RBFOX1: variants seen among roughly 807,000 people sequenced by gnomAD.
The protein encoded by RBFOX1 is RNA binding fox-1 homolog 1, also known as RNA binding protein fox-1 homolog 1.
Under a neutral mutation model 57.7 loss-of-function variants are expected in RBFOX1, and 8 were observed. That is an observed-to-expected ratio of 0.14 (90% CI 0.08 to 0.25). RBFOX1 has a LOEUF of 0.25. Ranked by LOEUF, RBFOX1 falls within the 10% of genes least tolerant of loss-of-function variation. RBFOX1 has a pLI of 1.00. For missense variants in RBFOX1, 611 were observed against 548.5 expected (o/e 1.11, Z -1.14); for synonymous variants, 326 against 222.4 (o/e 1.47, Z -4.15).
intron 2 of RBFOX1, among the ~76,000 whole-genome samples, chr16:5,517,092 G>T (rs547768983): frequency 1.3e-5 from 2 of 151,904 alleles, no homozygotes; most frequent in South Asian, 4.2e-4. Flanking sequence ...GACCTCCAGT[G>T]GTTGGAGGCC....
chr16:7,320,510 G>C (rs1007997185), intron 4 of RBFOX1, among the ~76,000 whole-genome samples: 1 of 152,138 alleles, frequency 6.6e-6, no homozygotes, highest in South Asian at 2.1e-4. Context: ...CCATGTCTTT[G>C]CTATTGTGAT....
intron 3 of RBFOX1, among the ~76,000 whole-genome samples, chr16:6,858,551 C>T (rs191180967): frequency 6.6e-6 from 1 of 152,182 alleles, no homozygotes; most frequent in Admixed American, 6.5e-5. Flanking sequence ...TAGAATCGTA[C>T]GGTTACAGCT....
intron 3 of RBFOX1, among the ~76,000 whole-genome samples, chr16:6,804,501 G>C (rs1188322482): frequency 6.6e-6 from 1 of 152,128 alleles, no homozygotes; most frequent in South Asian, 2.1e-4. Flanking sequence ...AGCTCTAGGT[G>C]CATAAATAAT....
intron 2 of RBFOX1, among the ~76,000 whole-genome samples, chr16:5,472,708 G>C (rs2069180236): frequency 6.6e-6 from 1 of 152,158 alleles, no homozygotes; most frequent in Admixed American, 6.5e-5. Context: ...GCTGGGACTG[G>C]CTTCCCAGTT....
At chr16:7,300,944 A>G (rs1219048152) in intron 4 of RBFOX1, among the ~76,000 whole-genome samples, 1 of 152,138 alleles carries the variant, frequency 6.6e-6, no homozygotes, top group East Asian at 1.9e-4. Context: ...ATATGAACCC[A>G]TGTGATGTTG....
At chr16:7,232,912 T>A (rs1260214535) in intron 4 of RBFOX1, among the ~76,000 whole-genome samples, 2 of 151,646 alleles carry the variant, frequency 1.3e-5, no homozygotes, top group South Asian at 2.1e-4. Flanking sequence ...TAGCACATGA[T>A]GTTAGCAAAC....
intron 4 of RBFOX1, among the ~76,000 whole-genome samples, chr16:5,876,978 T>A (rs2057628593): frequency 6.6e-6 from 1 of 152,174 alleles, no homozygotes; most frequent in Non-Finnish European, 1.5e-5. Flanking sequence ...ATGTTCAGAA[T>A]CAGTCTAGAA....
At chr16:5,293,041 C>G (rs1489332368) in intron 1 of RBFOX1, among the ~76,000 whole-genome samples, 1 of 152,008 alleles carries the variant, frequency 6.6e-6, no homozygotes, top group Non-Finnish European at 1.5e-5. Context: ...AATTTGGAGG[C>G]TGGGCACTGT....
At chr16:7,250,385 G>C (rs1030524659) in intron 4 of RBFOX1, among the ~76,000 whole-genome samples, 26 of 152,308 alleles carry the variant, frequency 1.7e-4, no homozygotes, top group African/African-American at 6.3e-4. Context: ...TTTAAAGCCA[G>C]CTTAATGATA....
At chr16:7,291,189 A>T (rs1023413995) in intron 4 of RBFOX1, among the ~76,000 whole-genome samples, 1 of 152,190 alleles carries the variant, frequency 6.6e-6, no homozygotes, top group African/African-American at 2.4e-5. Flanking sequence ...GCAAGGTAAG[A>T]TGTGCAGAAC....
At chr16:7,112,146 T>A (rs1325339079) in intron 4 of RBFOX1, among the ~76,000 whole-genome samples, 1 of 152,204 alleles carries the variant, frequency 6.6e-6, no homozygotes, top group Admixed American at 6.5e-5. Context: ...AAGTTCCTGA[T>A]GAGAAAATTC....
At chr16:6,697,967 G>A (rs927303408) in intron 3 of RBFOX1, among the ~76,000 whole-genome samples, 3 of 152,086 alleles carry the variant, frequency 2.0e-5, no homozygotes, top group African/African-American at 4.8e-5. Flanking sequence ...AGAGTTGATT[G>A]GTCTATGGTA....
intron 2 of RBFOX1, among the ~76,000 whole-genome samples, chr16:6,507,025 C>T (rs987019921): frequency 6.6e-6 from 1 of 152,054 alleles, no homozygotes; most frequent in African/African-American, 2.4e-5. Flanking sequence ...CTCATGACTG[C>T]TTCCTTTTCA....
chr16:7,017,526 A>G (rs984817105), intron 3 of RBFOX1, among the ~76,000 whole-genome samples: 1 of 152,194 alleles, frequency 6.6e-6, no homozygotes, highest in African/African-American at 2.4e-5. Context: ...TGCGTTTGGA[A>G]GAAGCCAACG....
chr16:6,705,867 C>G, intron 3 of RBFOX1, among the ~76,000 whole-genome samples: 1 of 152,034 alleles, frequency 6.6e-6, no homozygotes. Flanking sequence ...AAAATACAAA[C>G]ATTAGCTGGG....
chr16:7,340,641 C>G (rs1460389382), intron 4 of RBFOX1, among the ~76,000 whole-genome samples: 1 of 152,208 alleles, frequency 6.6e-6, no homozygotes, highest in East Asian at 1.9e-4. Flanking sequence ...AGCCACACCA[C>G]TTCTCTTCAC....
At chr16:6,435,680 G>T (rs1029266992) in intron 2 of RBFOX1, among the ~76,000 whole-genome samples, 1 of 152,144 alleles carries the variant, frequency 6.6e-6, no homozygotes, top group African/African-American at 2.4e-5. Flanking sequence ...CAAGTGGTTT[G>T]CCTTCTCTTC....
At chr16:7,316,963 A>AACACACACACACACAC (rs112548867) in intron 4 of RBFOX1, among the ~76,000 whole-genome samples, 3,757 of 146,936 alleles carry the variant, frequency 0.026, 80 homozygotes, top group African/African-American at 0.056. Flanking sequence ...AAGAAGACAG[A>AACACACACACACACAC]ACACACACAC....
At chr16:5,989,863 CA>C (rs1163315528) in intron 4 of RBFOX1, among the ~76,000 whole-genome samples, 7 of 113,420 alleles carry the variant, frequency 6.2e-5, no homozygotes, top group Admixed American at 2.0e-4. Context: ...CACACACACA[CA>C]CACACACACA....
Sources: allele counts gnomAD v4.1 joint callset (sites outside exome capture counted in the v4.1 genomes callset), GRCh38; gene constraint gnomAD v4.1.1; transcripts MANE v1.5; gene names NCBI Gene and HGNC (gene_info 2026-07-23, HGNC 2026-07-21).